CHD7: variants seen among roughly 807,000 people sequenced by gnomAD.
The protein encoded by CHD7 is ATP-dependent chromatin remodeler CHD7.
In CHD7, 24 loss-of-function variants were observed where a neutral mutation model predicts 307.3. The observed-to-expected ratio is 0.08, with a 90% CI of 0.06 to 0.11. The LOEUF (loss-of-function observed/expected upper bound fraction) is 0.11. Ranked by LOEUF, CHD7 falls within the 10% of genes least tolerant of loss-of-function variation. The probability of loss-of-function intolerance (pLI) is 1.00; values close to 1 mark genes in which losing one functional copy is unlikely to be tolerated. For missense variants in CHD7, 3,106 were observed against 3,727.1 expected, an observed-to-expected ratio of 0.83 and a Z score of 4.34; for synonymous variants, 1,363 against 1,349.9, an observed-to-expected ratio of 1.01 and a Z score of -0.21.
intron 1 of CHD7, among the ~76,000 whole-genome samples, chr8:60,727,741 C>T (rs922391646): frequency 1.7e-4 from 26 of 152,272 alleles, no homozygotes; most frequent in South Asian, 2.1e-4. Context: ...ATGACTTAAA[C>T]GGCCATATCT....
chr8:60,689,168 A>C (rs1245917711), intron 1 of CHD7, among the ~76,000 whole-genome samples: 1 of 152,202 alleles, frequency 6.6e-6, no homozygotes, highest in Non-Finnish European at 1.5e-5. Flanking sequence ...GGAATAACAA[A>C]ATAAGTGAGT....
At chr8:60,718,810 C>G (rs966202830) in intron 1 of CHD7, among the ~76,000 whole-genome samples, 1 of 152,102 alleles carries the variant, frequency 6.6e-6, no homozygotes, top group African/African-American at 2.4e-5. Context: ...CTCACTCACC[C>G]AGAGCAACTT....
intron 9 of CHD7, among the ~76,000 whole-genome samples, chr8:60,821,552 A>G (rs1197404940): frequency 6.6e-6 from 1 of 151,638 alleles, no homozygotes; most frequent in Admixed American, 6.6e-5. Context: ...ATGTATATAT[A>G]TAAGCATGTA....
At position 60,719,239 on chromosome 8, in the gene CHD7, G is replaced by T. The variant is rs553123282; in HGVS notation, c.-174-22020G>T. On this transcript the variant is annotated intron_variant, in intron 1 of 37. Coordinates refer to ENST00000423902, the MANE Select transcript of CHD7 (RefSeq NM_017780.4). ...ACAGGGTAGGAAACTTTGGAGATTG[G>T]CAGACTTCCTTTTTTGATTCAAGTA... Among the ~76,000 whole-genome samples the T allele has an allele frequency of 4.6e-5, 7 of 152,284 alleles. No homozygotes were observed. The South Asian group carries it at 6.2e-4, about 14-fold the overall frequency.
At chr8:60,818,332 C>T (rs937887221) in intron 8 of CHD7, among the ~76,000 whole-genome samples, 1 of 152,104 alleles carries the variant, frequency 6.6e-6, no homozygotes, top group Non-Finnish European at 1.5e-5. Context: ...TGTGTGATGC[C>T]GCAGATTACT....
intron 1 of CHD7, among the ~76,000 whole-genome samples, chr8:60,719,546 A>G (rs962059309): frequency 3.3e-5 from 5 of 152,180 alleles, no homozygotes; most frequent in African/African-American, 9.7e-5. Flanking sequence ...TTGTCTTGCC[A>G]TGAATTATTA....
chr8:60,725,363 C>T (rs548540758), intron 1 of CHD7, among the ~76,000 whole-genome samples: 8 of 152,262 alleles, frequency 5.3e-5, no homozygotes, highest in African/African-American at 1.4e-4. Context: ...CTGTATAGTC[C>T]GGAATTCTGA....
intron 4 of CHD7, 143 bp from the exon 5 acceptor site, chr8:60,800,245 G>T (rs1040373521): frequency 1.3e-5 from 8 of 618,670 alleles, no homozygotes; most frequent in Middle Eastern, 5.1e-4. Flanking sequence ...TGTTAGCCAG[G>T]ATGGTCTCGA....
chr8:60,851,698 T>C (rs1805463630), intron 28 of CHD7, among the ~76,000 whole-genome samples: 1 of 152,136 alleles, frequency 6.6e-6, no homozygotes, highest in Admixed American at 6.5e-5. Context: ...ACAACAATTA[T>C]GCAGTTATTT....
chr8:60,755,364 G>C (rs1300656659), intron 2 of CHD7, among the ~76,000 whole-genome samples: 1 of 151,808 alleles, frequency 6.6e-6, no homozygotes, highest in Non-Finnish European at 1.5e-5. Context: ...TTTTTTTTAA[G>C]AATTTACTAT....
chr8:60,703,842 G>A (rs1011682642), intron 1 of CHD7, among the ~76,000 whole-genome samples: 9 of 152,202 alleles, frequency 5.9e-5, no homozygotes, highest in South Asian at 2.1e-4. Context: ...CTCCCTGAGC[G>A]AAGTCAGATA....
intron 15 of CHD7, 70 bp downstream of exon 15, chr8:60,830,647 G>C (rs2150765366): frequency 6.5e-7 from 1 of 1,545,022 alleles, no homozygotes; most frequent in Admixed American, 1.8e-5. Context: ...TCTGCCCCCA[G>C]ACTGGGGATT....
intron 4 of CHD7, among the ~76,000 whole-genome samples, chr8:60,796,621 T>TG (rs1367007823): frequency 1.7e-5 from 1 of 58,808 alleles, no homozygotes; most frequent in Non-Finnish European, 3.7e-5. Flanking sequence ...TTTAGGGTTT[T>TG]TTTTTTTTTT....
At position 60,852,930 on chromosome 8, in the gene CHD7, C is replaced by A; in HGVS notation, c.6205C>A (p.Leu2069Ile). The A allele has an allele frequency of 6.2e-7, 1 of 1,613,986 alleles. No individual in the cohort carries two copies. Among genetic ancestry groups the A allele is most frequent in the Non-Finnish European group, 8.5e-7 (1 of 1,179,904 alleles). Residue 2069 changes from leucine (L) to isoleucine (I), a missense_variant, in exon 31 of 38, where the codon CTC becomes ATC. Leu to Ile is a conservative substitution (Grantham distance 5). Transcript: ENST00000423902. ...ELLRKIREQV[L>I]HHPQLGERLK... ...GCTACGGAAGATCCGCGAGCAGGTT[C>A]TCCATCACCCCCAGCTGGGAGAGAG...
intron 1 of CHD7, among the ~76,000 whole-genome samples, chr8:60,727,211 C>T (rs531980174): frequency 3.1e-4 from 47 of 152,198 alleles, no homozygotes; most frequent in African/African-American, 9.6e-4. Flanking sequence ...ATTGCAGCCT[C>T]GACCTCCAAG....
At chr8:60,771,446 T>A (rs912722995) in intron 2 of CHD7, among the ~76,000 whole-genome samples, 1 of 152,206 alleles carries the variant, frequency 6.6e-6, no homozygotes, top group East Asian at 1.9e-4. Context: ...ATCCTTTGAG[T>A]GGTATTTCAG....
rs942264141 is a variant in CHD7 at position 60,854,263 on chromosome 8, A to G, written c.6776-100A>G. The G allele has an allele frequency of 4.9e-6, 5 of 1,015,130 alleles. No individual in the cohort carries two copies. The African/African-American group carries it at 6.4e-5, about 13-fold the overall frequency. 62.9% of individuals were successfully genotyped at this position (1,015,130 alleles called of 1,614,324 possible). On this transcript the variant is annotated intron_variant, in intron 31 of 37. Transcript: ENST00000423902. ...AGCCATGTAGTAGGTACTCAATAAA[A>G]TGGAGCTGATTAGTATTCACATTTT... is the stretch of plus-strand genomic sequence containing the variant.
intron 9 of CHD7, among the ~76,000 whole-genome samples, chr8:60,820,524 T>A (rs186315492): frequency 6.6e-6 from 1 of 152,348 alleles, no homozygotes; most frequent in East Asian, 1.9e-4. Flanking sequence ...CAGAGGCTAA[T>A]AGACATTATT....
At chr8:60,783,839 G>A (rs1811373806) in intron 3 of CHD7, among the ~76,000 whole-genome samples, 1 of 152,116 alleles carries the variant, frequency 6.6e-6, no homozygotes, top group African/African-American at 2.4e-5. Context: ...ACCACTTATA[G>A]GGCCACTCTG....
Sources: allele counts gnomAD v4.1 joint callset (sites outside exome capture counted in the v4.1 genomes callset), GRCh38; gene constraint gnomAD v4.1.1; transcripts MANE v1.5; gene names NCBI Gene and HGNC (gene_info 2026-07-23, HGNC 2026-07-21).